PCDHA3: variants seen among roughly 807,000 people sequenced by gnomAD.
PCDHA3 encodes protocadherin alpha-3.
In PCDHA3, 41 loss-of-function variants were observed where a neutral mutation model predicts 62.2. The ratio of observed to expected loss-of-function variants is 0.66; its 90% CI spans 0.51 to 0.86. The LOEUF (loss-of-function observed/expected upper bound fraction) is 0.86. Ranked by LOEUF, PCDHA3 falls within the 40% of genes least tolerant of loss-of-function variation. The probability of loss-of-function intolerance (pLI) is 0.00; values close to 1 mark genes in which losing one functional copy is unlikely to be tolerated. For synonymous variants in PCDHA3, 640 were observed against 555.4 expected, an observed-to-expected ratio of 1.15 and a Z score of -2.14; for missense variants, 1,304 against 1,241.2, an observed-to-expected ratio of 1.05 and a Z score of -0.76.
intron 1 of PCDHA3, chr5:140,866,767 G>C (rs913136809): frequency 1.3e-5 from 2 of 152,154 alleles, no homozygotes; most frequent in East Asian, 1.9e-4. Context: ...CATACAGGCA[G>C]ATTGTATGTC....
chr5:140,817,488 G>A (rs1554127270), intron 1 of PCDHA3: 3 of 152,116 alleles, frequency 2.0e-5, no homozygotes, highest in Non-Finnish European at 4.4e-5. Context: ...ATCTTTTTAA[G>A]CTATATATGC....
At chr5:140,856,750 C>A in intron 1 of PCDHA3, 1 of 1,596,268 alleles carries the variant, frequency 6.3e-7, no homozygotes, top group South Asian at 1.1e-5. Context: ...TGTTAGATGC[C>A]AATGATAACG....
At chr5:140,856,839 A>T in intron 1 of PCDHA3, 1 of 1,592,670 alleles carries the variant, frequency 6.3e-7, no homozygotes, top group Non-Finnish European at 8.6e-7. Context: ...ATACGGCTCA[A>T]CGCTTCTGAT....
intron 1 of PCDHA3, chr5:140,968,079 C>T (rs782150880): frequency 5.0e-6 from 8 of 1,614,142 alleles, no homozygotes; most frequent in Admixed American, 3.3e-5. Flanking sequence ...TACAACATCA[C>T]GGTGACAGCC....
chr5:140,847,275 C>T (rs1232934318), intron 1 of PCDHA3, among the ~76,000 whole-genome samples: 1 of 149,636 alleles, frequency 6.7e-6, no homozygotes, highest in Non-Finnish European at 1.5e-5. Flanking sequence ...GAAGGTTGAA[C>T]GGGAAGACAA....
chr5:140,817,360 A>G (rs2150097768), intron 1 of PCDHA3: 1 of 152,194 alleles, frequency 6.6e-6, no homozygotes, highest in East Asian at 1.9e-4. Flanking sequence ...GACCCTCTTA[A>G]CTGGTTTCGG....
intron 1 of PCDHA3, among the ~76,000 whole-genome samples, chr5:140,974,459 C>G (rs59098360): frequency 0.013 from 1,989 of 152,274 alleles, 54 homozygotes; most frequent in African/African-American, 0.046. Flanking sequence ...TGACTACATT[C>G]AGAGGAAAGT....
At chr5:140,911,051 G>C (rs566300992) in intron 1 of PCDHA3, among the ~76,000 whole-genome samples, 1 of 152,100 alleles carries the variant, frequency 6.6e-6, no homozygotes, top group East Asian at 1.9e-4. Flanking sequence ...CAGGGGTGGT[G>C]GGGGGTGGGT....
In PCDHA3 at chr5:140,851,279, A is replaced by G. The variant is rs1554145338; in HGVS notation, c.2394+47688A>G. On this transcript the variant is annotated intron_variant, in intron 1 of 3. Transcript: ENST00000522353. ...ATTTTAGTCTACTTGTATTGTTTAT[A>G]AGAAACCCAAGCAAAAATATATAGC... 2.9e-6 allele frequency: 3 copies of G among 1,045,342 alleles called. 1 individual carries two copies. In the African/African-American group the frequency reaches 5.0e-5, roughly 17 times the overall value. The allele number at this position is 1,045,342 out of a possible 1,614,324, so 64.8% of individuals were successfully genotyped here.
chr5:140,980,684 G>GAA (rs782726576), intron 2 of PCDHA3, among the ~76,000 whole-genome samples: 2 of 145,064 alleles, frequency 1.4e-5, no homozygotes, highest in African/African-American at 5.1e-5. Context: ...TTTTCAAATT[G>GAA]AAAAAAAAAA....
Position 140,843,176 on chromosome 5 carries a change from C to A in PCDHA3, c.2394+39585C>A, listed in dbSNP as rs145175505. 1.9e-6 allele frequency: 3 copies of A among 1,596,084 alleles called. 1 individual carries two copies. The highest frequency in any genetic ancestry group is 2.6e-6 in the Non-Finnish European group (3 of 1,165,610). On this transcript the variant is annotated intron_variant, in intron 1 of 3. Transcript: ENST00000522353. ...GCTGCAGCCAGCTGCAAGCAGCCCT[C>A]GCATCCCGTTCCGCGTGGGGCTGTA...
chr5:140,953,410 G>A (rs1328809858), intron 1 of PCDHA3, among the ~76,000 whole-genome samples: 5 of 152,042 alleles, frequency 3.3e-5, no homozygotes, highest in Non-Finnish European at 5.9e-5. Flanking sequence ...GTTGCTCCTG[G>A]CTCCTCCCCT....
At chr5:140,924,477 T>C (rs1378646713) in intron 1 of PCDHA3, among the ~76,000 whole-genome samples, 1 of 152,230 alleles carries the variant, frequency 6.6e-6, no homozygotes, top group Admixed American at 6.5e-5. Context: ...AACTGGTTTT[T>C]AGTGGAACAC....
intron 2 of PCDHA3, among the ~76,000 whole-genome samples, chr5:140,982,016 A>C (rs2096962660): frequency 6.6e-6 from 1 of 152,260 alleles, no homozygotes; most frequent in African/African-American, 2.4e-5. Context: ...TTAGATAGCC[A>C]AATTGGAACA....
At chr5:140,857,146 C>T (rs1554149571) in intron 1 of PCDHA3, 3 of 1,598,132 alleles carry the variant, frequency 1.9e-6, no homozygotes, top group East Asian at 2.2e-5. Flanking sequence ...AAGTGGGCAC[C>T]GTCATTGCCC....
intron 1 of PCDHA3, among the ~76,000 whole-genome samples, chr5:140,839,815 A>G (rs1776430186): frequency 6.6e-6 from 1 of 152,044 alleles, no homozygotes; most frequent in Admixed American, 6.6e-5. Context: ...ATTGCCTACT[A>G]TGAAGGCATT....
chr5:140,938,957 C>T (rs1435245997), intron 1 of PCDHA3, among the ~76,000 whole-genome samples: 2 of 152,040 alleles, frequency 1.3e-5, no homozygotes, highest in African/African-American at 2.4e-5. Context: ...ATGCTCTAGT[C>T]GGAGTTTGGC....
chr5:140,829,529 C>G (rs2150169515), intron 1 of PCDHA3: 1 of 1,613,270 alleles, frequency 6.2e-7, no homozygotes, highest in East Asian at 2.2e-5. Context: ...GGTGTCTGCG[C>G]GAGACGCGGA....
chr5:140,876,984 G>C (rs2056761931), intron 1 of PCDHA3: 9 of 1,612,672 alleles, frequency 5.6e-6, no homozygotes, highest in African/African-American at 1.3e-5. Flanking sequence ...AGCACGCACT[G>C]TCGAGCTACG....
Sources: allele counts gnomAD v4.1 joint callset (sites outside exome capture counted in the v4.1 genomes callset), GRCh38; gene constraint gnomAD v4.1.1; transcripts MANE v1.5; gene names NCBI Gene and HGNC (gene_info 2026-07-23, HGNC 2026-07-21).